Variants in SLA2 observed in about 807,000 individuals in gnomAD.
SLA2 encodes the protein src-like-adapter 2.
In SLA2, 22 loss-of-function variants were observed where a neutral mutation model predicts 27.3. The ratio of observed to expected loss-of-function variants is 0.81; its 90% CI spans 0.58 to 1.15. SLA2 has a LOEUF of 1.15. SLA2 is among the 50% of genes most tolerant of loss of function. SLA2 has a pLI of 0.00. For missense variants in SLA2, 304 were observed against 322.2 expected (o/e 0.94, Z 0.43); for synonymous variants, 131 against 137.8 (o/e 0.95, Z 0.34).
intron 5 of SLA2, among the ~76,000 whole-genome samples, chr20:36,618,789 C>T (rs1600817257): frequency 6.6e-6 from 1 of 150,834 alleles, no homozygotes; most frequent in Non-Finnish European, 1.5e-5. Context: ...GCCTATAAAT[C>T]CCAGCTACTT....
chr20:36,634,412 CA>C (rs1239069289), intron 3 of SLA2, 77 bp downstream of exon 3: 9 of 1,116,602 alleles, frequency 8.1e-6, no homozygotes, highest in Non-Finnish European at 1.2e-5. Flanking sequence ...GCCTCCCAGA[CA>C]GCTAGCGCTA....
chr20:36,614,835 G>GTGAC, intron 6 of SLA2: 1 of 985,422 alleles, frequency 1.0e-6, no homozygotes, highest in Middle Eastern at 5.2e-4. Context: ...GCTGTGCCCA[G>GTGAC]TGACTGCATC....
chr20:36,626,384 C>CCGTCT (rs200340168), intron 5 of SLA2, among the ~76,000 whole-genome samples: 3,805 of 149,290 alleles, frequency 0.025, 172 homozygotes, highest in African/African-American at 0.089. Context: ...GAACGAGACT[C>CCGTCT]CGTCTAAAAA....
intron 2 of SLA2, among the ~76,000 whole-genome samples, chr20:36,637,442 G>A (rs934899911): frequency 3.3e-5 from 5 of 151,582 alleles, no homozygotes; most frequent in Non-Finnish European, 5.9e-5. Context: ...TGATCTGCCC[G>A]CCTCGGCCTC....
chr20:36,614,038 A>ACTCACTACACACAAAATTGCACTGTT lies in SLA2; in HGVS notation c.666-78_666-53dup, dbSNP rs540080557. On this transcript the variant is annotated intron_variant, in intron 7 of 7. Transcript: ENST00000262866. ...CAAGAAGCCTCTTCCTCCTCCCTGTACTCACTACACACAAAATTGCACTGT... is the reference window on the plus strand; with the variant it reads ...CAAGAAGCCTCTTCCTCCTCCCTGTACTCACTACACACAAAATTGCACTGTTCTCACTACACACAAAATTGCACTGT... 655 of 1,604,346 alleles carry ACTCACTACACACAAAATTGCACTGTT rather than the reference A, an allele frequency of 4.1e-4. 11 individuals are homozygous for ACTCACTACACACAAAATTGCACTGTT. In the East Asian group the frequency reaches 0.014, roughly 34 times the overall value.
chr20:36,640,081 G>C (rs1286022026), intron 2 of SLA2, among the ~76,000 whole-genome samples: 1 of 152,146 alleles, frequency 6.6e-6, no homozygotes, highest in African/African-American at 2.4e-5. Flanking sequence ...GCCAAGGCGG[G>C]AGGATCATTT....
intron 1 of SLA2, among the ~76,000 whole-genome samples, chr20:36,643,142 G>C (rs977503967): frequency 2.6e-5 from 4 of 152,230 alleles, no homozygotes; most frequent in African/African-American, 9.6e-5. Context: ...ATCACAGAAA[G>C]CACTCAGCAC....
intron 5 of SLA2, among the ~76,000 whole-genome samples, chr20:36,616,244 A>G (rs2039208637): frequency 6.6e-6 from 1 of 151,470 alleles, no homozygotes; most frequent in African/African-American, 2.4e-5. Flanking sequence ...TGCTCAACCT[A>G]CATGTATACA....
intron 5 of SLA2, 35 bp downstream of exon 5, chr20:36,632,560 T>C: frequency 6.5e-7 from 1 of 1,541,618 alleles, no homozygotes; most frequent in Non-Finnish European, 9.0e-7. Flanking sequence ...GACCTCCACG[T>C]AGGGAGGGCC....
chr20:36,640,930 C>CA (rs1473015053), intron 2 of SLA2, among the ~76,000 whole-genome samples: 1 of 152,170 alleles, frequency 6.6e-6, no homozygotes, highest in Non-Finnish European at 1.5e-5. Context: ...TTTGGATAAA[C>CA]AACTGGTTGA....
At chr20:36,642,827 C>T (rs1302993795) in intron 1 of SLA2, among the ~76,000 whole-genome samples, 1 of 152,124 alleles carries the variant, frequency 6.6e-6, no homozygotes. Context: ...TCAGGCGATC[C>T]GCCCTCCTCG....
chr20:36,615,271 C>T lies in SLA2; in HGVS notation c.486G>A (p.Pro162=), dbSNP rs151100235. The change falls in exon 6 of 8, where the codon CCG becomes CCA. Residue 162 remains proline (P), a synonymous_variant. Transcript: ENST00000262866. ...CLDNGWLYIS[P]RLTFPSLQAL... is the part of the protein sequence containing the mutation. ...CCTGGAGTGAGGGGAAGGTGAGGCG[C>T]GGTGAGATGTACAGCCAGCCATTGT... The T allele has an allele frequency of 6.1e-5, 99 of 1,614,064 alleles. No homozygotes were observed. In the African/African-American group the frequency reaches 1.1e-3, roughly 17 times the overall value.
intron 5 of SLA2, among the ~76,000 whole-genome samples, chr20:36,629,954 C>A (rs987265278): frequency 6.6e-6 from 1 of 151,252 alleles, no homozygotes; most frequent in African/African-American, 2.4e-5. Context: ...AAAAAAAAGT[C>A]TCCATACGGC....
chr20:36,625,767 C>T (rs1219044451), intron 5 of SLA2, among the ~76,000 whole-genome samples: 2 of 143,094 alleles, frequency 1.4e-5, no homozygotes, highest in Non-Finnish European at 3.0e-5. Context: ...TTCAAGACTG[C>T]AGTGAACCAT....
Position 36,615,290 on chromosome 20 carries a change from C to T in SLA2, c.467G>A (p.Gly156Asp), listed in dbSNP as rs1258653905. 1 of 1,613,998 alleles carries T rather than the reference C, an allele frequency of 6.2e-7. No individual in the cohort carries two copies. The highest frequency in any genetic ancestry group is 1.3e-5 in the African/African-American group (1 of 74,910). ...GAGGCGCGGTGAGATGTACAGCCAGCCATTGTCAAGGCAGTGGATCCTGTA... is the reference window on the plus strand; with the variant it reads ...GAGGCGCGGTGAGATGTACAGCCAGTCATTGTCAAGGCAGTGGATCCTGTA... The part of the protein sequence containing the change: ...RHYRIHCLDN[G>D]WLYISPRLTF... The change falls in exon 6 of 8, where the codon GGC becomes GAC. Residue 156 changes from glycine (G) to aspartate (D), a missense_variant. By Grantham distance (94) the Gly-to-Asp change is moderately conservative (BLOSUM62 -1). Coordinates refer to ENST00000262866, the MANE Select transcript of SLA2 (RefSeq NM_032214.4).
rs2039464540 is a variant in SLA2, at chr20:36,637,613, T to TGTGAA, written c.92-3029_92-3025dup. ...ATTTCTTCAACATAGGCTCATATTC[T>TGTGAA]GTGAAGTTTGCTTTTTTTTTTTTTT... On this transcript the variant is annotated intron_variant, in intron 2 of 7. Transcript: ENST00000262866. 2.0e-5 allele frequency among the ~76,000 whole-genome samples: 3 copies of TGTGAA among 148,440 alleles called. No individual in the cohort carries two copies. The South Asian group carries it at 6.4e-4, about 31-fold the overall frequency.
At chr20:36,627,074 G>A (rs966302365) in intron 5 of SLA2, among the ~76,000 whole-genome samples, 6 of 151,998 alleles carry the variant, frequency 3.9e-5, no homozygotes, top group Admixed American at 6.5e-5. Flanking sequence ...GAGGAGAAGC[G>A]GAGGGCAGGC....
chr20:36,630,759 G>A (rs1327216310), intron 5 of SLA2, among the ~76,000 whole-genome samples: 2 of 152,206 alleles, frequency 1.3e-5, no homozygotes, highest in Non-Finnish European at 2.9e-5. Flanking sequence ...AAAGGACTCA[G>A]GGGCAGCAGC....
intron 7 of SLA2, 60 bp from the exon 8 acceptor site, chr20:36,614,046 C>T (rs2039175176): frequency 3.1e-6 from 5 of 1,599,974 alleles, no homozygotes; most frequent in Non-Finnish European, 3.4e-6. Flanking sequence ...GTACTCACTA[C>T]ACACAAAATT....
Sources: gnomAD v4.1 joint callset for allele counts (sites outside exome capture counted in the v4.1 genomes callset) on GRCh38, gnomAD v4.1.1 for gene constraint, MANE v1.5 for transcripts, NCBI Gene and HGNC (gene_info 2026-07-23, HGNC 2026-07-21) for gene names.